DSCAM: variants seen among roughly 807,000 people sequenced by gnomAD.
DSCAM encodes DS cell adhesion molecule.
A neutral mutation model predicts 217.7 loss-of-function variants in DSCAM; 47 were observed. The observed-to-expected ratio is 0.22, with a 90% CI of 0.17 to 0.28. DSCAM has a LOEUF of 0.28. DSCAM is among the 10% of genes least tolerant of loss of function. The pLI is 1.00. For synonymous variants in DSCAM, 1,056 were observed against 1,015.3 expected (o/e 1.04, Z -0.76); for missense variants, 2,080 against 2,618.3 (o/e 0.79, Z 4.49).
At chr21:40,294,329 T>C (rs1312550551) in intron 10 of DSCAM, among the ~76,000 whole-genome samples, 4 of 152,140 alleles carry the variant, frequency 2.6e-5, no homozygotes, top group Non-Finnish European at 5.9e-5. Context: ...TAACATAAGA[T>C]AAAACATGTT....
intron 1 of DSCAM, among the ~76,000 whole-genome samples, chr21:40,733,119 C>T (rs1306002626): frequency 6.6e-6 from 1 of 152,218 alleles, no homozygotes; most frequent in African/African-American, 2.4e-5. Flanking sequence ...AGGGTGCAGA[C>T]ATGCATGCAG....
chr21:40,199,733 C>T (rs1243540445), intron 11 of DSCAM, among the ~76,000 whole-genome samples: 2 of 151,924 alleles, frequency 1.3e-5, no homozygotes, highest in African/African-American at 2.4e-5. Context: ...AATGAGAATA[C>T]GTGGACACAG....
intron 3 of DSCAM, among the ~76,000 whole-genome samples, chr21:40,530,293 A>G (rs2837678): frequency 0.3 from 45,415 of 152,132 alleles, 8,972 homozygotes; most frequent in African/African-American, 0.55. Flanking sequence ...CAGATTTGAT[A>G]AGCTCTCTTT....
intron 3 of DSCAM, among the ~76,000 whole-genome samples, chr21:40,506,786 G>C (rs1393056474): frequency 1.3e-5 from 2 of 151,946 alleles, no homozygotes; most frequent in Non-Finnish European, 2.9e-5. Context: ...TGGTTATAAA[G>C]GGAAAAAGAT....
intron 3 of DSCAM, among the ~76,000 whole-genome samples, chr21:40,589,536 A>G (rs1034785262): frequency 6.6e-6 from 1 of 152,192 alleles, no homozygotes; most frequent in African/African-American, 2.4e-5. Flanking sequence ...AGATCACACC[A>G]CTGCACTCCA....
At chr21:40,442,575 A>AGT (rs1284447857) in intron 3 of DSCAM, among the ~76,000 whole-genome samples, 3 of 127,784 alleles carry the variant, frequency 2.3e-5, no homozygotes, top group Admixed American at 1.1e-4. Flanking sequence ...GCCGGAGTGC[A>AGT]GTGGCACGAT....
At chr21:40,498,631 TA>T (rs375609102) in intron 3 of DSCAM, among the ~76,000 whole-genome samples, 123 of 43,384 alleles carry the variant, frequency 2.8e-3, no homozygotes, top group African/African-American at 4.6e-3. Flanking sequence ...ATGCACTATG[TA>T]TATATATATA....
At chr21:40,159,749 A>T (rs2090519321) in intron 16 of DSCAM, among the ~76,000 whole-genome samples, 1 of 152,012 alleles carries the variant, frequency 6.6e-6, no homozygotes, top group African/African-American at 2.4e-5. Context: ...TGCCTGGCTA[A>T]TTTTTGTATT....
intron 3 of DSCAM, among the ~76,000 whole-genome samples, chr21:40,655,085 T>C (rs2090059336): frequency 1.3e-5 from 2 of 152,032 alleles, no homozygotes; most frequent in East Asian, 1.9e-4. Flanking sequence ...AGAGAGAAAA[T>C]GGAGCCTGCT....
intron 3 of DSCAM, among the ~76,000 whole-genome samples, chr21:40,571,396 C>CA (rs1185348463): frequency 6.6e-6 from 1 of 152,078 alleles, no homozygotes; most frequent in Non-Finnish European, 1.5e-5. Context: ...ATGAATGCTT[C>CA]AAAAAATCAC....
At chr21:40,193,503 C>G (rs895529441) in intron 11 of DSCAM, among the ~76,000 whole-genome samples, 2 of 152,156 alleles carry the variant, frequency 1.3e-5, no homozygotes, top group African/African-American at 4.8e-5. Context: ...GAATGTGAAT[C>G]AGAAACCATG....
At chr21:40,449,961 T>G (rs997455164) in intron 3 of DSCAM, among the ~76,000 whole-genome samples, 2 of 152,206 alleles carry the variant, frequency 1.3e-5, no homozygotes, top group Non-Finnish European at 2.9e-5. Flanking sequence ...GAAATAAAAT[T>G]TAATATGTTA....
At chr21:40,571,518 T>C (rs1460587781) in intron 3 of DSCAM, among the ~76,000 whole-genome samples, 1 of 152,134 alleles carries the variant, frequency 6.6e-6, no homozygotes, top group Non-Finnish European at 1.5e-5. Context: ...CCAAAAAACC[T>C]GTGCTCCAAG....
At chr21:40,155,679 G>GT (rs1475095336) in intron 16 of DSCAM, among the ~76,000 whole-genome samples, 2 of 152,238 alleles carry the variant, frequency 1.3e-5, no homozygotes, top group Admixed American at 1.3e-4. Flanking sequence ...TGGAAGCTCT[G>GT]TAAGACAGCG....
At chr21:40,245,322 G>T (rs186577747) in intron 11 of DSCAM, among the ~76,000 whole-genome samples, 1 of 152,088 alleles carries the variant, frequency 6.6e-6, no homozygotes, top group Non-Finnish European at 1.5e-5. Context: ...GGACAAAAAG[G>T]GGCCTGTTAT....
At chr21:40,099,517 G>C (rs1041465941) in intron 20 of DSCAM, among the ~76,000 whole-genome samples, 3 of 152,112 alleles carry the variant, frequency 2.0e-5, no homozygotes, top group African/African-American at 7.2e-5. Context: ...GCCATAATTA[G>C]GCACAATTTT....
chr21:40,402,128 C>A (rs148054481), intron 3 of DSCAM, among the ~76,000 whole-genome samples: 2 of 138,646 alleles, frequency 1.4e-5, no homozygotes, highest in Non-Finnish European at 3.0e-5. Flanking sequence ...GGTGCCACCT[C>A]GGCTCACTGC....
chr21:40,620,247 A>T (rs555099758), intron 3 of DSCAM, among the ~76,000 whole-genome samples: 1 of 77,998 alleles, frequency 1.3e-5, no homozygotes, highest in Non-Finnish European at 3.1e-5. Flanking sequence ...AGAGAGAGAA[A>T]GAGAGAGAAA....
chr21:40,655,996 G>A (rs1205057882), intron 3 of DSCAM, among the ~76,000 whole-genome samples: 1 of 151,892 alleles, frequency 6.6e-6, no homozygotes, highest in Non-Finnish European at 1.5e-5. Flanking sequence ...AGGTTGCAGT[G>A]AGCCATGATT....
Sources: allele counts gnomAD v4.1 joint callset (sites outside exome capture counted in the v4.1 genomes callset), GRCh38; gene constraint gnomAD v4.1.1; transcripts MANE v1.5; gene names NCBI Gene and HGNC (gene_info 2026-07-23, HGNC 2026-07-21).